Variants in PHF19 observed in about 807,000 individuals in gnomAD.
PHF19 encodes the protein polycomb like 3.
In PHF19, 21 loss-of-function variants were observed where a neutral mutation model predicts 79.8. The observed-to-expected ratio is 0.26, with a 90% CI of 0.19 to 0.38. The LOEUF (loss-of-function observed/expected upper bound fraction) is 0.38, where lower values mean the gene tolerates loss of function less well. Ranked by LOEUF, PHF19 falls within the 10% of genes least tolerant of loss-of-function variation. The pLI, the probability that PHF19 is intolerant of heterozygous loss-of-function variation, is 1.00. For missense variants in PHF19, 445 were observed against 744.2 expected (o/e 0.60, Z 4.68); for synonymous variants, 273 against 296.3 (o/e 0.92, Z 0.81).
rs552613593 is a variant in PHF19 at position 120,871,793 on chromosome 9, A to G, written c.269-1255T>C. ...AGTGGCTCACGCCTGTAATCCCAGCACTTTGGGAGGCCGAGGCGGGCGGAT... is the reference window on the plus strand; with the variant it reads ...AGTGGCTCACGCCTGTAATCCCAGCGCTTTGGGAGGCCGAGGCGGGCGGAT... On this transcript the variant is annotated intron_variant, in intron 3 of 14. Transcript: ENST00000373896. 1.3e-4 allele frequency among the ~76,000 whole-genome samples: 20 copies of G among 152,236 alleles called. No homozygotes were observed. The East Asian group carries it at 3.1e-3, about 24-fold the overall frequency.
chr9:120,888,525 G>A (rs558205097), intron 1 of PHF19, among the ~76,000 whole-genome samples: 4 of 152,286 alleles, frequency 2.6e-5, no homozygotes, highest in Admixed American at 1.3e-4. Context: ...CCCAAAAATG[G>A]TTTTCCTGGG....
In PHF19 at chr9:120,866,911, G is replaced by T. The variant is rs771311888; in HGVS notation, c.669C>A (p.Ala223=). ...CYRCRQWFHE[A]CTQCLNEPMM... ...TGGGCTCATTGAGGCACTGGGTGCAGGCCTCGTGGAACCACTGCCTGCACC... is the reference window on the plus strand; with the variant it reads ...TGGGCTCATTGAGGCACTGGGTGCATGCCTCGTGGAACCACTGCCTGCACC... Residue 223 remains alanine, a synonymous_variant, in exon 7 of 15, where the codon GCC becomes GCA. Transcript: ENST00000373896. The surrounding 1 kb of genome is among the most constrained non-coding windows in gnomAD (Gnocchi z 5.2). The T allele has an allele frequency of 6.2e-7, 1 of 1,612,482 alleles. No individual in the cohort carries two copies. Among genetic ancestry groups the T allele is most frequent in the South Asian group, 1.1e-5 (1 of 91,058 alleles).
the PHF19 span, chr9:120,902,496 G>C: frequency 7.2e-6 from 1 of 139,240 alleles, no homozygotes; most frequent in East Asian, 2.1e-4. Context: ...GGTGCTCTGT[G>C]GGCAGGGCGG....
Position 120,865,851 on chromosome 9 carries a change from G to T in PHF19, c.780-21C>A. On this transcript the variant is annotated intron_variant, in intron 8 of 14. Transcript: ENST00000373896. ...CCACCCTGGGCAAGGGGGCAAGGAG[G>T]TGGGACCAGGTGAGGTGGCAGCCTG... 5.0e-6 allele frequency: 8 copies of T among 1,614,026 alleles called. No homozygotes were observed. In the South Asian group the frequency reaches 7.7e-5, roughly 16 times the overall value.
Position 120,866,830 on chromosome 9 carries a change from C to A in PHF19, c.710+40G>T. The A allele has an allele frequency of 8.9e-7, 1 of 1,129,560 alleles. No homozygotes were observed. The highest frequency in any genetic ancestry group is 1.2e-5 in the South Asian group (1 of 81,392). 70.0% of individuals were successfully genotyped at this position (1,129,560 alleles called of 1,614,324 possible). On this transcript the variant is annotated intron_variant, in intron 7 of 14. Coordinates refer to ENST00000373896, the MANE Select transcript of PHF19 (RefSeq NM_015651.3). This position sits in a 1 kb window ranked among gnomAD's most constrained non-coding sequence, Gnocchi z 5.2. Reference sequence around the variant, plus strand: ...GTTGCTGCCATCCCTGCCCTCTCCCCACCACGCCCAAGGCCCACTTGGACC... The same window carrying A: ...GTTGCTGCCATCCCTGCCCTCTCCCAACCACGCCCAAGGCCCACTTGGACC...
At position 120,870,207 on chromosome 9, in the gene PHF19, C is replaced by T. The variant is rs1176143899; in HGVS notation, c.364+236G>A. On this transcript the variant is annotated intron_variant, in intron 4 of 14. Transcript: ENST00000373896. This position sits in a 1 kb window ranked among gnomAD's most constrained non-coding sequence, Gnocchi z 4.4. ...AGTGCCTGAGCCCCATCTTTCCCAC[C>T]CATCCTCTCCATCTAGCTGGGCCCC... Among the ~76,000 whole-genome samples, 1 of 152,140 alleles carries T rather than the reference C, an allele frequency of 6.6e-6. No homozygotes were observed. The highest frequency in any genetic ancestry group is 1.9e-4 in the East Asian group (1 of 5,184).
intron 14 of PHF19, among the ~76,000 whole-genome samples, chr9:120,859,245 T>TC (rs1429758156): frequency 6.6e-6 from 1 of 150,390 alleles, no homozygotes; most frequent in Non-Finnish European, 1.5e-5. Flanking sequence ...TTTTTTTTTT[T>TC]TTTTTTTGAG....
chr9:120,869,253 C>T lies in PHF19; in HGVS notation c.543G>A (p.Glu181=). 1 of 1,612,854 alleles carries T rather than the reference C, an allele frequency of 6.2e-7. No homozygotes were observed. Among genetic ancestry groups the T allele is most frequent in the Non-Finnish European group, 8.5e-7 (1 of 1,179,712 alleles). Residue 181 remains glutamate, a synonymous_variant, in exon 6 of 15, where the codon GAG becomes GAA. Transcript: ENST00000373896. The surrounding 1 kb of genome is among the most constrained non-coding windows in gnomAD (Gnocchi z 5.8). ...GATGGGGCGAGTCCCACTCGAGCTC[C>T]TCGGGCTGGTAGGACAGCACCATCT... is the stretch of plus-strand genomic sequence containing the variant. ...AVKMVLSYQP[E]ELEWDSPHRT...
Position 120,857,924 on chromosome 9 carries a change from C to A in PHF19, c.*20G>T. The A allele has an allele frequency of 1.3e-6, 2 of 1,482,356 alleles. No individual in the cohort carries two copies. Among genetic ancestry groups the A allele is most frequent in the East Asian group, 2.4e-5 (1 of 42,256 alleles). The allele number at this position is 1,482,356 out of a possible 1,614,324, so 91.8% of individuals were successfully genotyped here. ...GCTCCTCCTTTGGTTTTCAGGACCC[C>A]TGGCACCCCCGGGGGCTAGTCAGTA... On this transcript the variant is annotated 3_prime_UTR_variant, in exon 15 of 15. Coordinates refer to ENST00000373896, the MANE Select transcript of PHF19 (RefSeq NM_015651.3).
chr9:120,855,801 G>C lies in PHF19; in HGVS notation c.*2143C>G, dbSNP rs1397984977. 6.6e-6 allele frequency: 1 copy of C among 152,656 alleles called. No homozygotes were observed. Among genetic ancestry groups the C allele is most frequent in the Non-Finnish European group, 1.5e-5 (1 of 68,068 alleles). The allele number at this position is 152,656 out of a possible 1,614,324, so 9.5% of individuals were successfully genotyped here. On this transcript the variant is annotated 3_prime_UTR_variant, in exon 15 of 15. Transcript: ENST00000373896. The stretch of plus-strand genomic sequence containing the variant: ...GTTGGCAGTAATGCAGCTATTATCT[G>C]GTATGAATGAAATGCTGGGGTGGGG...
chr9:120,892,947 G>T (rs1453549351), intron 1 of PHF19, among the ~76,000 whole-genome samples: 1 of 152,188 alleles, frequency 6.6e-6, no homozygotes, highest in Non-Finnish European at 1.5e-5. Context: ...TTTAGAGATG[G>T]AAAGACAATA....
intron 10 of PHF19, chr9:120,863,137 G>A (rs576034644): frequency 1.5e-5 from 3 of 195,096 alleles, no homozygotes; most frequent in East Asian, 2.9e-4. Flanking sequence ...AAGCAACACC[G>A]GCTGGGCTCC....
chr9:120,870,688 C>G lies in PHF19; in HGVS notation c.269-150G>C. On this transcript the variant is annotated intron_variant, in intron 3 of 14. Coordinates refer to ENST00000373896, the MANE Select transcript of PHF19 (RefSeq NM_015651.3). This position sits in a 1 kb window ranked among gnomAD's most constrained non-coding sequence, Gnocchi z 4.4. ...GAATCTCCCCAACCACTCTGAGATG[C>G]CTATCATCATTACCATTCGAAAGAT... 6 of 604,884 alleles carry G rather than the reference C, an allele frequency of 9.9e-6. No individual in the cohort carries two copies. The highest frequency in any genetic ancestry group is 1.5e-5 in the Non-Finnish European group (5 of 335,394). 37.5% of individuals were successfully genotyped at this position (604,884 alleles called of 1,614,324 possible).
At position 120,870,061 on chromosome 9, in the gene PHF19, AGCTGCCGGGAGCCTGGCTGCTGGT is replaced by A; in HGVS notation, c.365-140_365-117del. Reference sequence around the variant, plus strand: ...GGAAGTCCTAGGAGCTCTGCCTGCCAGCTGCCGGGAGCCTGGCTGCTGGTGCCCACCAAGATGGCCAAGTCAGTG... The same window carrying A: ...GGAAGTCCTAGGAGCTCTGCCTGCCAGCCCACCAAGATGGCCAAGTCAGTG... On this transcript the variant is annotated intron_variant, in intron 4 of 14. Coordinates refer to ENST00000373896, the MANE Select transcript of PHF19 (RefSeq NM_015651.3). This position sits in a 1 kb window ranked among gnomAD's most constrained non-coding sequence, Gnocchi z 4.4. The A allele has an allele frequency of 7.0e-7, 1 of 1,425,514 alleles. No homozygotes were observed. The highest frequency in any genetic ancestry group is 9.4e-7 in the Non-Finnish European group (1 of 1,069,454). 88.3% of individuals were successfully genotyped at this position (1,425,514 alleles called of 1,614,324 possible).
In PHF19 at chr9:120,869,457, GAA is replaced by G; in HGVS notation, c.466-129_466-128del. 1 of 1,326,472 alleles carries G rather than the reference GAA, an allele frequency of 7.5e-7. No homozygotes were observed. Among genetic ancestry groups the G allele is most frequent in the South Asian group, 1.5e-5 (1 of 66,204 alleles). 82.2% of individuals were successfully genotyped at this position (1,326,472 alleles called of 1,614,324 possible). A position where few individuals can be genotyped will look rare whatever the true frequency, so the allele number is the denominator to read the frequency against. Reference sequence around the variant, plus strand: ...ACCCGCAGATATTCCAATATAGTCAGAAAAGCAAGGAGCTTTTTCTCATTAAT... The same window carrying G: ...ACCCGCAGATATTCCAATATAGTCAGAAGCAAGGAGCTTTTTCTCATTAAT... On this transcript the variant is annotated intron_variant, in intron 5 of 14. Transcript: ENST00000373896. The surrounding 1 kb of genome is among the most constrained non-coding windows in gnomAD (Gnocchi z 5.8).
intron 14 of PHF19, among the ~76,000 whole-genome samples, 174 bp downstream of exon 14, chr9:120,859,916 G>A (rs999762905): frequency 1.3e-5 from 2 of 152,346 alleles, no homozygotes; most frequent in Non-Finnish European, 2.9e-5. Flanking sequence ...AAAGCCCCGT[G>A]ACTCAGAACC....
At chr9:120,902,230 G>A in the PHF19 span, among the ~76,000 whole-genome samples, 1 of 151,996 alleles carries the variant, frequency 6.6e-6, no homozygotes, top group African/African-American at 2.4e-5. Flanking sequence ...CACTTACGGG[G>A]GTGAGATTCT....
rs2045548363 is a variant in PHF19 at position 120,862,151 on chromosome 9, G to A, written c.1131-146C>T. ...GCTGCACCTTCACAGGGAGGCCTGG[G>A]GAGGAGGGAGAGTCCTCAGGAGCAG... On this transcript the variant is annotated intron_variant, in intron 11 of 14. Transcript: ENST00000373896. The surrounding 1 kb of genome is among the most constrained non-coding windows in gnomAD (Gnocchi z 4.6). 1 of 705,472 alleles carries A rather than the reference G, an allele frequency of 1.4e-6. No individual in the cohort carries two copies. The highest frequency in any genetic ancestry group is 2.6e-6 in the Non-Finnish European group (1 of 389,496). The allele number at this position is 705,472 out of a possible 1,614,324, so 43.7% of individuals were successfully genotyped here.
At chr9:120,882,727 A>C (rs555566131) in intron 1 of PHF19, among the ~76,000 whole-genome samples, 67 of 151,868 alleles carry the variant, frequency 4.4e-4, no homozygotes, top group South Asian at 4.4e-3. Context: ...CTGTAATCCC[A>C]GCTACTTGGG....
Sources: allele counts gnomAD v4.1 joint callset (sites outside exome capture counted in the v4.1 genomes callset), GRCh38; gene constraint gnomAD v4.1.1; non-coding constraint Gnocchi (gnomAD v3.1); transcripts MANE v1.5; gene names NCBI Gene and HGNC (gene_info 2026-07-23, HGNC 2026-07-21).